LRRC59: variants seen among roughly 807,000 people sequenced by gnomAD.
LRRC59 encodes the protein leucine-rich repeat-containing protein 59.
Under a neutral mutation model 33.5 loss-of-function variants are expected in LRRC59, and 18 were observed. The ratio of observed to expected loss-of-function variants is 0.54; its 90% CI spans 0.37 to 0.80. The LOEUF is 0.80. Ranked by LOEUF, LRRC59 falls within the 30% of genes least tolerant of loss-of-function variation. The pLI is 0.00. For missense variants in LRRC59, 330 were observed against 391.9 expected, an observed-to-expected ratio of 0.84 and a Z score of 1.33; for synonymous variants, 138 against 160.0, an observed-to-expected ratio of 0.86 and a Z score of 1.04.
At chr17:50,391,434 CTT>C (rs754016597) in intron 4 of LRRC59, among the ~76,000 whole-genome samples, 3 of 152,188 alleles carry the variant, frequency 2.0e-5, no homozygotes, top group Admixed American at 6.5e-5. Context: ...AAAGTTAAGT[CTT>C]TTTTGTTCAA....
chr17:50,393,833 G>A (rs77581956), intron 2 of LRRC59, among the ~76,000 whole-genome samples: 2,350 of 152,282 alleles, frequency 0.015, 37 homozygotes, highest in Middle Eastern at 0.054. Context: ...AAGGAGTGCG[G>A]CTGCAAGGAA....
intron 6 of LRRC59, among the ~76,000 whole-genome samples, chr17:50,384,299 C>G (rs1956807683): frequency 6.6e-6 from 1 of 152,018 alleles, no homozygotes; most frequent in Admixed American, 6.5e-5. Flanking sequence ...TAGCTGGGAC[C>G]ACAGGTGTGT....
At position 50,382,271 on chromosome 17, in the gene LRRC59, A is replaced by C. The variant is rs1347722041; in HGVS notation, c.*717T>G. The C allele has an allele frequency of 6.6e-6, 1 of 152,258 alleles. No individual in the cohort carries two copies. The highest frequency in any genetic ancestry group is 1.5e-5 in the Non-Finnish European group (1 of 68,066). 9.4% of individuals were successfully genotyped at this position (152,258 alleles called of 1,614,324 possible). A position where few individuals can be genotyped will look rare whatever the true frequency, so the allele number is the denominator to read the frequency against. ...CTGAGGAATAATCGATTCTGGTGTG[A>C]GTTCTGGTCTCTCAGGACATTATAA... On this transcript the variant is annotated 3_prime_UTR_variant, in exon 7 of 7. Transcript: ENST00000225972.
intron 4 of LRRC59, 67 bp downstream of exon 4, chr17:50,392,331 A>G (rs1235663121): frequency 5.2e-6 from 7 of 1,337,480 alleles, no homozygotes; most frequent in Non-Finnish European, 5.4e-6. Flanking sequence ...CCTAGGAGGG[A>G]AAAACAGGAG....
intron 2 of LRRC59, among the ~76,000 whole-genome samples, chr17:50,394,201 T>TTCC (rs1914217068): frequency 2.0e-5 from 3 of 152,056 alleles, no homozygotes; most frequent in African/African-American, 7.2e-5. Context: ...CAGGGCCAAA[T>TTCC]AGGAAGTCAC....
chr17:50,383,176 C>T lies in LRRC59; in HGVS notation c.736G>A (p.Ala246Thr), dbSNP rs1913911821. ...PPPRKHTRSWAVLKLLLLLLL... is the reference protein window; with the variant it reads ...PPPRKHTRSWTVLKLLLLLLL... ...AGCAGCAGCAGCAGCTTCAGCACAG[C>T]CCAGGAACGAGTGTGCTTCCGGGGT... The change falls in exon 7 of 7, where the codon GCT becomes ACT. Residue 246 changes from alanine (A) to threonine (T), a missense_variant. Ala to Thr is a moderately conservative substitution (Grantham distance 58, BLOSUM62 0). Transcript: ENST00000225972. 1 of 1,565,502 alleles carries T rather than the reference C, an allele frequency of 6.4e-7. No individual in the cohort carries two copies. The highest frequency in any genetic ancestry group is 8.7e-7 in the Non-Finnish European group (1 of 1,154,952).
At position 50,397,297 on chromosome 17, in the gene LRRC59, C is replaced by T. The variant is rs752796845; in HGVS notation, c.21G>A (p.Lys7=). Reference sequence around the variant, plus strand: ...CCAGCTTGTCGCGGAGGTTCCCGCCCTTGCTACCGGCCTTGGTCATGGTAA... The same window carrying T: ...CCAGCTTGTCGCGGAGGTTCCCGCCTTTGCTACCGGCCTTGGTCATGGTAA... MTKAGS[K]GGNLRDKLDG... is the part of the protein sequence containing the mutation. The change falls in exon 1 of 7, where the codon AAG becomes AAA. Residue 7 remains lysine (K), a synonymous_variant. Transcript: ENST00000225972. 3 of 1,609,168 alleles carry T rather than the reference C, an allele frequency of 1.9e-6. No homozygotes were observed. The African/African-American group carries it at 4.0e-5, about 22-fold the overall frequency.
At chr17:50,385,008 T>C (rs1913966975) in intron 6 of LRRC59, 110 bp downstream of exon 6, 1 of 1,244,936 alleles carries the variant, frequency 8.0e-7, no homozygotes, top group Non-Finnish European at 1.1e-6. Context: ...AGCTTTAGAG[T>C]GTACTTTATC....
At chr17:50,387,940 C>A in intron 5 of LRRC59, 120 bp downstream of exon 5, 1 of 930,636 alleles carries the variant, frequency 1.1e-6, no homozygotes, top group South Asian at 1.4e-5. Context: ...AATACTGTCC[C>A]CCCACCGCCC....
In LRRC59 at chr17:50,385,298, C is replaced by G. The variant is rs1469794138; in HGVS notation, c.503-7G>C. On this transcript the variant is annotated splice_region_variant and splice_polypyrimidine_tract_variant and intron_variant, in intron 5 of 6. Coordinates refer to ENST00000225972, the MANE Select transcript of LRRC59 (RefSeq NM_018509.4). ...TCACGCTTCTTCTCTGCCTCTACAA[C>G]AAAACATACCAAAATTTGACTTCTC... The G allele has an allele frequency of 1.9e-6, 3 of 1,610,510 alleles. No individual in the cohort carries two copies. Among genetic ancestry groups the G allele is most frequent in the Non-Finnish European group, 2.5e-6 (3 of 1,178,496 alleles).
chr17:50,384,684 G>C (rs1475493890), intron 6 of LRRC59, among the ~76,000 whole-genome samples: 1 of 150,470 alleles, frequency 6.6e-6, no homozygotes, highest in Non-Finnish European at 1.5e-5. Context: ...AGAATCTCTT[G>C]AACCCAGGAG....
At chr17:50,395,356 C>CAA (rs11405361) in intron 1 of LRRC59, among the ~76,000 whole-genome samples, 30,934 of 126,758 alleles carry the variant, frequency 0.24, 3,698 homozygotes, top group Admixed American at 0.28. Flanking sequence ...GACCCCATCT[C>CAA]AAAAAAAAAA....
At position 50,392,826 on chromosome 17, in the gene LRRC59, T is replaced by G. The variant is rs200091207; in HGVS notation, c.237A>C (p.Ala79=). 9.3e-6 allele frequency: 15 copies of G among 1,614,106 alleles called. No individual in the cohort carries two copies. The East Asian group carries it at 3.3e-4, about 36-fold the overall frequency. Reference sequence around the variant, plus strand: ...GGAGGTTGACCAGACGGCCAAAGTCTGCTGGCAGCTGCTGCAGCTTGTTCT... The same window carrying G: ...GGAGGTTGACCAGACGGCCAAAGTCGGCTGGCAGCTGCTGCAGCTTGTTCT... The part of the protein sequence containing the change: ...LSKNKLQQLP[A]DFGRLVNLQH... Residue 79 remains alanine (A), a synonymous_variant, in exon 3 of 7, where the codon GCA becomes GCC. Transcript: ENST00000225972.
In LRRC59 at chr17:50,385,249, G is replaced by A; in HGVS notation, c.545C>T (p.Ala182Val). 1.2e-6 allele frequency: 2 copies of A among 1,614,052 alleles called. No homozygotes were observed. The highest frequency in any genetic ancestry group is 1.7e-6 in the Non-Finnish European group (2 of 1,180,026). Residue 182 changes from alanine to valine, a missense_variant, in exon 6 of 7, where the codon GCT (alanine) becomes GTT (valine). By Grantham distance (64) the Ala-to-Val change is moderately conservative. Coordinates refer to ENST00000225972, the MANE Select transcript of LRRC59 (RefSeq NM_018509.4). ...CCGCTTCCGCAGTTCCCGCTCCTGA[G>A]CTTCCTTAGCTCGCTGCTTAGCCTC... ...KREAKQRAKEAQERELRKREK... is the reference protein window; with the variant it reads ...KREAKQRAKEVQERELRKREK...
Position 50,394,967 on chromosome 17 carries a change from T to C in LRRC59, c.127A>G (p.Ile43Val). 1 of 1,608,322 alleles carries C rather than the reference T, an allele frequency of 6.2e-7. No homozygotes were observed. Among genetic ancestry groups the C allele is most frequent in the Non-Finnish European group, 8.5e-7 (1 of 1,176,046 alleles). The change falls in exon 2 of 7, where the codon ATC becomes GTC. Residue 43 changes from isoleucine to valine, a missense_variant. By Grantham distance (29) the Ile-to-Val change is conservative (BLOSUM62 3). Coordinates refer to ENST00000225972, the MANE Select transcript of LRRC59 (RefSeq NM_018509.4). ...AGTTTATTACAAGACAGATCCAGGATGGTGGCCTTTGGAAGGGCAGCCTAG... is the reference window on the plus strand; with the variant it reads ...AGTTTATTACAAGACAGATCCAGGACGGTGGCCTTTGGAAGGGCAGCCTAG... ...KELAALPKAT[I>V]LDLSCNKLTT...
At chr17:50,396,825 C>A (rs1203045100) in intron 1 of LRRC59, 1 of 283,164 alleles carries the variant, frequency 3.5e-6, no homozygotes, top group Non-Finnish European at 6.5e-6. Context: ...CCAGGTCTAC[C>A]AGGAGGCCTA....
intron 4 of LRRC59, 113 bp from the exon 5 acceptor site, chr17:50,388,245 T>C: frequency 3.1e-6 from 3 of 968,066 alleles, no homozygotes; most frequent in South Asian, 2.7e-5. Flanking sequence ...AATGTAGAAC[T>C]AATAAGAGTT....
At chr17:50,387,933 A>G (rs1914049352) in intron 5 of LRRC59, 127 bp downstream of exon 5, 4 of 874,912 alleles carry the variant, frequency 4.6e-6, no homozygotes, top group Non-Finnish European at 7.6e-6. Context: ...CCACCACAAT[A>G]CTGTCCCCCC....
chr17:50,396,991 G>T, intron 1 of LRRC59: 1 of 412,306 alleles, frequency 2.4e-6, no homozygotes. Context: ...GGCCAGAGAA[G>T]CAGATCTTCC....
Sources: allele counts gnomAD v4.1 joint callset (sites outside exome capture counted in the v4.1 genomes callset), GRCh38; gene constraint gnomAD v4.1.1; transcripts MANE v1.5; gene names NCBI Gene and HGNC (gene_info 2026-07-23, HGNC 2026-07-21).